Variants in PCCB observed in about 807,000 individuals in gnomAD.
PCCB encodes propionyl-CoA carboxylase subunit beta, also known as propionyl-CoA carboxylase beta chain, mitochondrial.
Under a neutral mutation model 60.7 loss-of-function variants are expected in PCCB, and 43 were observed. The ratio of observed to expected loss-of-function variants is 0.71; its 90% CI spans 0.55 to 0.91. The LOEUF (loss-of-function observed/expected upper bound fraction) is 0.91. PCCB is among the 40% of genes least tolerant of loss of function. The pLI is 0.00. For missense variants in PCCB, 766 were observed against 702.8 expected (o/e 1.09, Z -1.02); for synonymous variants, 276 against 255.9 (o/e 1.08, Z -0.75).
rs1933800570 is a variant in PCCB at position 136,293,630 on chromosome 3, A to G, written c.655-126A>G. On this transcript the variant is annotated intron_variant, in intron 6 of 14. Coordinates refer to ENST00000251654, the MANE Select transcript of PCCB (RefSeq NM_000532.5). Reference sequence around the variant, plus strand: ...TAGTTTGGAGTCGTATCTTTAAGCTACATCCTATCCTCATTCAGCCACGTC... The same window carrying G: ...TAGTTTGGAGTCGTATCTTTAAGCTGCATCCTATCCTCATTCAGCCACGTC... The G allele has an allele frequency of 5.5e-5, 42 of 768,658 alleles. No individual in the cohort carries two copies. The South Asian group carries it at 5.5e-4, about 10-fold the overall frequency. The allele number at this position is 768,658 out of a possible 1,614,324, so 47.6% of individuals were successfully genotyped here.
intron 9 of PCCB, among the ~76,000 whole-genome samples, chr3:136,313,932 A>T (rs1934772062): frequency 6.6e-6 from 1 of 152,178 alleles, no homozygotes; most frequent in African/African-American, 2.4e-5. Flanking sequence ...AGAGAAAAAA[A>T]TCTAGAATGA....
intron 1 of PCCB, chr3:136,251,408 G>C (rs1941511860): frequency 4.5e-6 from 2 of 440,762 alleles, no homozygotes. Flanking sequence ...AACTCTTACA[G>C]ATGAAGAGTA....
At chr3:136,298,687 C>T (rs1934045981) in intron 8 of PCCB, among the ~76,000 whole-genome samples, 1 of 152,162 alleles carries the variant, frequency 6.6e-6, no homozygotes, top group Admixed American at 6.5e-5. Flanking sequence ...TGGAGTCTAC[C>T]ACCTGTTGTG....
intron 5 of PCCB, among the ~76,000 whole-genome samples, chr3:136,277,490 G>A (rs1349478182): frequency 6.6e-6 from 1 of 151,968 alleles, no homozygotes. Flanking sequence ...AAAAGTTTCT[G>A]TCCTTTGTAT....
At chr3:136,326,696 T>A in intron 10 of PCCB, 107 bp from the exon 11 acceptor site, 1 of 810,198 alleles carries the variant, frequency 1.2e-6, no homozygotes. Flanking sequence ...GAAGTGTTGG[T>A]GCCTCCACAG....
intron 7 of PCCB, among the ~76,000 whole-genome samples, chr3:136,295,841 T>G (rs942366521): frequency 6.6e-6 from 1 of 152,170 alleles, no homozygotes; most frequent in South Asian, 2.1e-4. Context: ...TGAGTTTTTT[T>G]TTTTTTTTTA....
intron 9 of PCCB, among the ~76,000 whole-genome samples, chr3:136,315,904 T>G (rs1445360682): frequency 7.0e-6 from 1 of 143,490 alleles, no homozygotes; most frequent in African/African-American, 2.9e-5. Context: ...AGAATGTTCT[T>G]ATGTGTTTAT....
chr3:136,264,874 CAAAAAAAAAAAA>C (rs1167305370), intron 5 of PCCB, among the ~76,000 whole-genome samples: 6 of 76,622 alleles, frequency 7.8e-5, no homozygotes, highest in African/African-American at 3.1e-4. Flanking sequence ...GACTCCGTCT[CAAAAAAAAAAAA>C]AAAAAAAAAG....
intron 10 of PCCB, among the ~76,000 whole-genome samples, chr3:136,318,977 T>TG (rs1935011820): frequency 6.6e-6 from 1 of 152,210 alleles, no homozygotes; most frequent in Non-Finnish European, 1.5e-5. Flanking sequence ...TTTAACTTTT[T>TG]GGGGAAACAC....
At chr3:136,259,160 T>C in intron 3 of PCCB, 2 of 1,466,526 alleles carry the variant, frequency 1.4e-6, no homozygotes, top group Non-Finnish European at 1.8e-6. Context: ...TTTTTTAACC[T>C]TTCTTTTTAA....
At chr3:136,308,025 C>T (rs574028193) in intron 9 of PCCB, among the ~76,000 whole-genome samples, 95 of 151,822 alleles carry the variant, frequency 6.3e-4, no homozygotes, top group African/African-American at 2.2e-3. Flanking sequence ...AGTGTCATAC[C>T]AATAAATATG....
intron 10 of PCCB, among the ~76,000 whole-genome samples, chr3:136,326,136 A>G (rs1935299762): frequency 6.6e-6 from 1 of 152,100 alleles, no homozygotes; most frequent in African/African-American, 2.4e-5. Context: ...ATATTGCTGG[A>G]CTTGATAATG....
intron 7 of PCCB, among the ~76,000 whole-genome samples, chr3:136,296,512 G>A (rs1000342395): frequency 2.6e-5 from 4 of 152,114 alleles, no homozygotes; most frequent in Admixed American, 2.6e-4. Flanking sequence ...TCATTGACCA[G>A]TTAATAGACA....
chr3:136,260,314 G>A (rs1460368750), intron 3 of PCCB, 165 bp from the exon 4 acceptor site: 1 of 695,004 alleles, frequency 1.4e-6, no homozygotes, highest in Non-Finnish European at 2.6e-6. Flanking sequence ...CTGGACTCAA[G>A]CCATCCACCT....
intron 5 of PCCB, among the ~76,000 whole-genome samples, chr3:136,268,608 C>T (rs1206981830): frequency 6.6e-6 from 1 of 151,958 alleles, no homozygotes; most frequent in African/African-American, 2.4e-5. Context: ...GGATTACAGT[C>T]ACGTGCCAGC....
intron 8 of PCCB, among the ~76,000 whole-genome samples, chr3:136,299,834 G>T (rs1478306889): frequency 2.6e-5 from 4 of 151,746 alleles, no homozygotes; most frequent in Non-Finnish European, 5.9e-5. Flanking sequence ...GTATGTATAT[G>T]CATGTGTATG....
intron 5 of PCCB, among the ~76,000 whole-genome samples, 198 bp from the exon 6 acceptor site, chr3:136,283,639 T>C (rs1177463704): frequency 2.0e-5 from 3 of 152,172 alleles, no homozygotes; most frequent in Non-Finnish European, 2.9e-5. Flanking sequence ...GAAAGTAATA[T>C]GCTGACCATC....
chr3:136,259,320 C>G (rs1448413010), intron 3 of PCCB: 1 of 427,526 alleles, frequency 2.3e-6, no homozygotes, highest in East Asian at 3.6e-5. Context: ...CAAAAATTAG[C>G]TGGGCCTGGT....
Position 136,330,092 on chromosome 3 carries a change from T to C in PCCB, c.*66T>C. ...TGCCCATTCACATCCCATTCCTGCC[T>C]TTTGCAATCATGAAACCTGGGAATC... On this transcript the variant is annotated 3_prime_UTR_variant, in exon 15 of 15. Coordinates refer to ENST00000251654, the MANE Select transcript of PCCB (RefSeq NM_000532.5). The C allele has an allele frequency of 6.2e-7, 1 of 1,611,012 alleles. No homozygotes were observed. Among genetic ancestry groups the C allele is most frequent in the Non-Finnish European group, 8.5e-7 (1 of 1,178,338 alleles).
Sources: allele counts gnomAD v4.1 joint callset (sites outside exome capture counted in the v4.1 genomes callset), GRCh38; gene constraint gnomAD v4.1.1; transcripts MANE v1.5; gene names NCBI Gene and HGNC (gene_info 2026-07-23, HGNC 2026-07-21).